The following DAZAP2 variants were observed in gnomAD, a reference collection of about 807,000 sequenced individuals.
DAZAP2 encodes DAZ associated protein 2.
DAZAP2 carries 3 observed loss-of-function variants against 16.2 expected under a neutral mutation model. The ratio of observed to expected loss-of-function variants is 0.19; its 90% CI spans 0.08 to 0.48. The LOEUF (loss-of-function observed/expected upper bound fraction) is 0.48. Ranked by LOEUF, DAZAP2 falls within the 20% of genes least tolerant of loss-of-function variation. The pLI, the probability that DAZAP2 is intolerant of heterozygous loss-of-function variation, is 0.98. For missense variants in DAZAP2, 172 were observed against 215.9 expected, an observed-to-expected ratio of 0.80 and a Z score of 1.27; for synonymous variants, 69 against 77.6, an observed-to-expected ratio of 0.89 and a Z score of 0.58.
At position 51,240,863 on chromosome 12, in the gene DAZAP2, T is replaced by C. The variant is rs1311155074; in HGVS notation, c.133-8T>C. 1 of 1,610,282 alleles carries C rather than the reference T, an allele frequency of 6.2e-7. No homozygotes were observed. ...GTAACATTTTGCCTTCTCTTCTGCC[T>C]CTTCTAGCTCTATCGTCCGAGCTTT... On this transcript the variant is annotated splice_polypyrimidine_tract_variant and splice_region_variant and intron_variant, in intron 2 of 3. Transcript: ENST00000412716.
chr12:51,238,828 C>T lies in DAZAP2; in HGVS notation c.-80C>T, dbSNP rs1944597451. On this transcript the variant is annotated 5_prime_UTR_variant, in exon 1 of 4. Transcript: ENST00000412716. ...GCTAGGCGGACGGACCATCATGTGA[C>T]ACGGAAGTAGCTCCGAACAGGAAGA... 6.2e-7 allele frequency: 1 copy of T among 1,608,616 alleles called. No homozygotes were observed. The highest frequency in any genetic ancestry group is 2.2e-5 in the East Asian group (1 of 44,810).
downstream of DAZAP2, chr12:51,246,466 C>G (rs1024698924): frequency 2.3e-5 from 10 of 429,248 alleles, no homozygotes; most frequent in African/African-American, 2.0e-4. Context: ...CTTCCTCACC[C>G]ACTCAACCAA....
chr12:51,239,342 T>C, intron 1 of DAZAP2: 2 of 194,384 alleles, frequency 1.0e-5, no homozygotes, highest in South Asian at 1.5e-4. Flanking sequence ...TGAGGTCTCT[T>C]TTCCTTCCCT....
chr12:51,240,224 G>A (rs1944648223), intron 1 of DAZAP2, 119 bp from the exon 2 acceptor site: 1 of 768,482 alleles, frequency 1.3e-6, no homozygotes, highest in African/African-American at 1.7e-5. Flanking sequence ...GGCCCTCTGG[G>A]GCAGACTATT....
At chr12:51,246,393 CG>C (rs1187454207), downstream of DAZAP2, 2 of 476,686 alleles carry the variant, frequency 4.2e-6, no homozygotes, top group African/African-American at 3.9e-5. Flanking sequence ...CTTAAAGAAA[CG>C]GGAAGGAGGG....
downstream of DAZAP2, chr12:51,244,465 G>C (rs1944737446): frequency 6.6e-6 from 1 of 152,230 alleles, no homozygotes; most frequent in African/African-American, 2.4e-5. Flanking sequence ...AAAGTATTGG[G>C]ATAACAGGCA....
At chr12:51,246,487 C>T (rs1338831381), downstream of DAZAP2, 3 of 445,192 alleles carry the variant, frequency 6.7e-6, no homozygotes, top group Non-Finnish European at 1.2e-5. Context: ...CCACATATAT[C>T]CTCGTCCCTA....
At position 51,242,689 on chromosome 12, in the gene DAZAP2, T is replaced by C; in HGVS notation, c.*231T>C. 6.7e-7 allele frequency: 1 copy of C among 1,502,662 alleles called. No individual in the cohort carries two copies. The allele number at this position is 1,502,662 out of a possible 1,614,324, so 93.1% of individuals were successfully genotyped here. ...GTAGGGGAGGTATCCATTCATAAAA[T>C]GAATGTGGGTGAAGCCGCCCTAAGG... is the stretch of plus-strand genomic sequence containing the variant. On this transcript the variant is annotated 3_prime_UTR_variant, in exon 4 of 4. Transcript: ENST00000412716.
Position 51,240,941 on chromosome 12 carries a change from C to T in DAZAP2, c.203C>T (p.Ala68Val). ...ACCATGTCAGCCGCATTTCCTGGAG[C>T]CTCTCTGTATCTTCCCATGGCCCAG... ...VPTMSAAFPG[A>V]SLYLPMAQSV... The change falls in exon 3 of 4, where the codon GCC becomes GTC. Residue 68 changes from alanine to valine, a missense_variant. Ala to Val is a moderately conservative substitution (Grantham distance 64). Transcript: ENST00000412716. The T allele has an allele frequency of 6.2e-7, 1 of 1,614,200 alleles. No individual in the cohort carries two copies. The highest frequency in any genetic ancestry group is 8.5e-7 in the Non-Finnish European group (1 of 1,180,034).
chr12:51,242,309 T>G, intron 3 of DAZAP2, 21 bp from the exon 4 acceptor site: 1 of 1,563,706 alleles, frequency 6.4e-7, no homozygotes, highest in Non-Finnish European at 8.7e-7. Flanking sequence ...GTGCCCATTC[T>G]ATCATGTCAT....
At chr12:51,240,245 C>T (rs889094542) in intron 1 of DAZAP2, 98 bp from the exon 2 acceptor site, 3 of 879,946 alleles carry the variant, frequency 3.4e-6, no homozygotes, top group Non-Finnish European at 3.8e-6. Context: ...TGCAAATCCC[C>T]TTCTGCTTGC....
chr12:51,243,398 T>C lies in DAZAP2; in HGVS notation c.*940T>C. 3 of 985,804 alleles carry C rather than the reference T, an allele frequency of 3.0e-6. No individual in the cohort carries two copies. The highest frequency in any genetic ancestry group is 3.6e-6 in the Non-Finnish European group (3 of 829,930). 61.1% of individuals were successfully genotyped at this position (985,804 alleles called of 1,614,324 possible). ...TCAGATCAAAAACTGGTTACCATTT[T>C]TTGTCAGAGTGTCTGATGCGGCCAC... On this transcript the variant is annotated 3_prime_UTR_variant, in exon 4 of 4. Transcript: ENST00000412716.
At chr12:51,239,157 G>A (rs577235082) in intron 1 of DAZAP2, 2 of 553,866 alleles carry the variant, frequency 3.6e-6, no homozygotes, top group Non-Finnish European at 6.2e-6. Flanking sequence ...CTGCGGGCTC[G>A]GGTGGTGGGG....
downstream of DAZAP2, chr12:51,245,973 T>G: frequency 1.3e-5 from 21 of 1,613,934 alleles, no homozygotes; most frequent in Non-Finnish European, 1.7e-5. Context: ...TCGCTGCCCT[T>G]GGCCAAGTCA....
chr12:51,240,879 T>C lies in DAZAP2; in HGVS notation c.141T>C (p.Arg47=). ...DAPPAYSELY[R]PSFVHPGAAT... ...TCTTCTGCCTCTTCTAGCTCTATCG[T>C]CCGAGCTTTGTGCACCCAGGGGCTG... Residue 47 remains arginine (R), a synonymous_variant, in exon 3 of 4, where the codon CGT becomes CGC. Transcript: ENST00000412716. 6.2e-7 allele frequency: 1 copy of C among 1,613,920 alleles called. No homozygotes were observed.
chr12:51,242,295 C>A (rs1011272989), intron 3 of DAZAP2, 35 bp from the exon 4 acceptor site: 1 of 1,551,110 alleles, frequency 6.4e-7, no homozygotes, highest in Non-Finnish European at 8.7e-7. Flanking sequence ...ATATTAGCTG[C>A]CCTGTGCCCA....
At position 51,242,693 on chromosome 12, in the gene DAZAP2, T is replaced by C; in HGVS notation, c.*235T>C. 2.7e-6 allele frequency: 4 copies of C among 1,502,788 alleles called. No homozygotes were observed. Among genetic ancestry groups the C allele is most frequent in the Non-Finnish European group, 3.6e-6 (4 of 1,125,280 alleles). The allele number at this position is 1,502,788 out of a possible 1,614,324, so 93.1% of individuals were successfully genotyped here. A position where few individuals can be genotyped will look rare whatever the true frequency, so the allele number is the denominator to read the frequency against. On this transcript the variant is annotated 3_prime_UTR_variant, in exon 4 of 4. Coordinates refer to ENST00000412716, the MANE Select transcript of DAZAP2 (RefSeq NM_014764.4). ...GGGAGGTATCCATTCATAAAATGAA[T>C]GTGGGTGAAGCCGCCCTAAGGATTT...
chr12:51,246,122 T>G, downstream of DAZAP2: 1 of 1,613,630 alleles, frequency 6.2e-7, no homozygotes, highest in Non-Finnish European at 8.5e-7. Context: ...GATAACAACT[T>G]GGAAAGGAGA....
In DAZAP2 at chr12:51,243,621, G is replaced by A. The variant is rs1164454595; in HGVS notation, c.*1163G>A. On this transcript the variant is annotated 3_prime_UTR_variant, in exon 4 of 4. Transcript: ENST00000412716. ...TAATTTCAGTTCATCTAAATTGTGT[G>A]TTCTGTACATGTGATGTTTGACTGT... 1.0e-6 allele frequency: 1 copy of A among 985,692 alleles called. No homozygotes were observed. 61.1% of individuals were successfully genotyped at this position (985,692 alleles called of 1,614,324 possible). A position where few individuals can be genotyped will look rare whatever the true frequency, so the allele number is the denominator to read the frequency against.
Sources: allele counts gnomAD v4.1 joint callset, GRCh38; gene constraint gnomAD v4.1.1; transcripts MANE v1.5; gene names NCBI Gene and HGNC (gene_info 2026-07-23, HGNC 2026-07-21).